ADAMTSL1: variants seen among roughly 807,000 people sequenced by gnomAD.
ADAMTSL1 encodes ADAMTS-like protein 1.
In ADAMTSL1, 126 loss-of-function variants were observed where a neutral mutation model predicts 201.8. The observed-to-expected ratio is 0.62, with a 90% CI of 0.54 to 0.72. The LOEUF (loss-of-function observed/expected upper bound fraction) is 0.72. Among genes scored for constraint, ADAMTSL1 ranks in the 30% least tolerant of loss-of-function variants. ADAMTSL1 has a pLI of 0.00. For missense variants in ADAMTSL1, 2,679 were observed against 2,277.8 expected (o/e 1.18, Z -3.59); for synonymous variants, 1,121 against 903.4 (o/e 1.24, Z -4.32).
At chr9:18,119,387 G>A (rs776141884) in intron 1 of ADAMTSL1, among the ~76,000 whole-genome samples, 2 of 151,948 alleles carry the variant, frequency 1.3e-5, no homozygotes, top group African/African-American at 4.8e-5. Flanking sequence ...CCGCCTCCCA[G>A]GTTCAAGTGA....
At chr9:18,829,757 C>A in intron 22 of ADAMTSL1, 86 bp from the exon 23 acceptor site, 1 of 1,513,454 alleles carries the variant, frequency 6.6e-7, no homozygotes, top group Non-Finnish European at 9.1e-7. Context: ...CATACATGTG[C>A]ACACACATGC....
chr9:18,813,105 G>A (rs185801260), intron 20 of ADAMTSL1, among the ~76,000 whole-genome samples: 199 of 151,646 alleles, frequency 1.3e-3, no homozygotes, highest in African/African-American at 4.6e-3. Context: ...GTAGCTGGGA[G>A]TACAGGCTGT....
chr9:18,273,612 C>T (rs73643212), intron 2 of ADAMTSL1, among the ~76,000 whole-genome samples: 9,087 of 152,218 alleles, frequency 0.06, 757 homozygotes, highest in African/African-American at 0.19. Flanking sequence ...ATTTAGTCCT[C>T]GGCATCATTC....
chr9:18,243,994 A>T (rs758360239), intron 2 of ADAMTSL1, among the ~76,000 whole-genome samples: 1 of 152,022 alleles, frequency 6.6e-6, no homozygotes, highest in Non-Finnish European at 1.5e-5. Flanking sequence ...CCAACCTCTG[A>T]TATGATTTTG....
intron 1 of ADAMTSL1, among the ~76,000 whole-genome samples, chr9:18,020,609 C>T (rs546325594): frequency 8.5e-5 from 13 of 152,150 alleles, no homozygotes; most frequent in South Asian, 2.1e-4. Flanking sequence ...AACAGCAGGG[C>T]GGAGACCACC....
At chr9:18,554,563 T>A (rs76198619) in intron 3 of ADAMTSL1, among the ~76,000 whole-genome samples, 4,568 of 151,744 alleles carry the variant, frequency 0.03, 211 homozygotes, top group African/African-American at 0.099. Flanking sequence ...TTGTCATGAG[T>A]CCTATTGTTA....
chr9:18,245,197 A>G (rs538083165), intron 2 of ADAMTSL1, among the ~76,000 whole-genome samples: 1 of 152,298 alleles, frequency 6.6e-6, no homozygotes, highest in South Asian at 2.1e-4. Context: ...GCGCTGTCCA[A>G]TGGAAATATA....
intron 21 of ADAMTSL1, 29 bp downstream of exon 21, chr9:18,817,266 C>T (rs1017275286): frequency 2.5e-5 from 39 of 1,546,880 alleles, no homozygotes; most frequent in African/African-American, 1.2e-4. Flanking sequence ...TTTGTTCACA[C>T]GTTAATGGAG....
chr9:18,135,841 C>T (rs1323411375), intron 1 of ADAMTSL1, among the ~76,000 whole-genome samples: 13 of 152,144 alleles, frequency 8.5e-5, no homozygotes, highest in Admixed American at 8.5e-4. Flanking sequence ...TTCTCCATCA[C>T]AGCTTACACT....
At chr9:18,580,441 C>T (rs1823025802) in intron 4 of ADAMTSL1, among the ~76,000 whole-genome samples, 1 of 152,130 alleles carries the variant, frequency 6.6e-6, no homozygotes, top group South Asian at 2.1e-4. Context: ...AGAAATAAGG[C>T]GTTGGACATT....
intron 9 of ADAMTSL1, among the ~76,000 whole-genome samples, chr9:18,672,556 C>G (rs1011311486): frequency 6.6e-6 from 1 of 152,092 alleles, no homozygotes; most frequent in African/African-American, 2.4e-5. Context: ...CACATGAACA[C>G]ACATATGTAA....
intron 2 of ADAMTSL1, among the ~76,000 whole-genome samples, chr9:18,238,640 A>G (rs1830941863): frequency 6.6e-6 from 1 of 152,210 alleles, no homozygotes; most frequent in African/African-American, 2.4e-5. Flanking sequence ...TTTCTTCTCT[A>G]ATATCATAGA....
chr9:18,065,316 G>C (rs964032401), intron 1 of ADAMTSL1, among the ~76,000 whole-genome samples: 1 of 152,114 alleles, frequency 6.6e-6, no homozygotes, highest in Non-Finnish European at 1.5e-5. Context: ...AGAGTAAGGA[G>C]ACTGCATGTC....
intron 4 of ADAMTSL1, among the ~76,000 whole-genome samples, chr9:18,620,154 C>T (rs1353862679): frequency 6.6e-6 from 1 of 151,584 alleles, no homozygotes; most frequent in South Asian, 2.1e-4. Context: ...TCTTCATTCA[C>T]ATCTCAGCTC....
chr9:18,299,025 AATAAT>A (rs1283777341), intron 2 of ADAMTSL1, among the ~76,000 whole-genome samples: 62 of 116,738 alleles, frequency 5.3e-4, no homozygotes, highest in Non-Finnish European at 8.8e-4. Flanking sequence ...AAAAAAAAAT[AATAAT>A]AATAATAATA....
At chr9:18,591,309 C>G (rs1823899312) in intron 4 of ADAMTSL1, among the ~76,000 whole-genome samples, 1 of 152,004 alleles carries the variant, frequency 6.6e-6, no homozygotes, top group Non-Finnish European at 1.5e-5. Context: ...GACTTAAAGT[C>G]TCTTTTATAT....
At chr9:18,451,433 A>T (rs542137873) in intron 2 of ADAMTSL1, among the ~76,000 whole-genome samples, 17 of 152,244 alleles carry the variant, frequency 1.1e-4, no homozygotes, top group South Asian at 4.1e-4. Flanking sequence ...AAATATGGTT[A>T]TGTGTACCTG....
At chr9:17,927,376 A>G (rs1826586727) in intron 1 of ADAMTSL1, among the ~76,000 whole-genome samples, 1 of 152,180 alleles carries the variant, frequency 6.6e-6, no homozygotes, top group Admixed American at 6.5e-5. Context: ...ATGTGCATAT[A>G]CATGCACACA....
intron 2 of ADAMTSL1, among the ~76,000 whole-genome samples, chr9:18,385,825 A>G (rs1837769968): frequency 6.6e-6 from 1 of 152,172 alleles, no homozygotes; most frequent in South Asian, 2.1e-4. Context: ...TTATAGTCCC[A>G]AACTAGCAAC....
Sources: allele counts gnomAD v4.1 joint callset (sites outside exome capture counted in the v4.1 genomes callset), GRCh38; gene constraint gnomAD v4.1.1; transcripts MANE v1.5; gene names NCBI Gene and HGNC (gene_info 2026-07-23, HGNC 2026-07-21).